The following AFG2A variants were observed in gnomAD, a reference collection of about 807,000 sequenced individuals.
AFG2A encodes the protein AAA ATPase AFG2A.
At chr4:122,929,319 A>G in the AFG2A span, 1 of 1,098,546 alleles carries the variant, frequency 9.1e-7, no homozygotes, top group Non-Finnish European at 1.2e-6. Context: ...AAGTAGAGAG[A>G]AACAGGTACA....
chr4:122,946,240 G>T, the AFG2A span, among the ~76,000 whole-genome samples: 1 of 152,202 alleles, frequency 6.6e-6, no homozygotes. Flanking sequence ...TAATTACAAG[G>T]GTTCTTGGTA....
the AFG2A span, among the ~76,000 whole-genome samples, chr4:122,943,040 G>C: frequency 6.6e-6 from 1 of 152,100 alleles, no homozygotes; most frequent in South Asian, 2.1e-4. Context: ...TTGCTGAGGA[G>C]AGCTTTACTT....
chr4:123,155,233 C>T, the AFG2A span, among the ~76,000 whole-genome samples: 1 of 152,016 alleles, frequency 6.6e-6, no homozygotes, highest in African/African-American at 2.4e-5. Context: ...TACAGGTGCA[C>T]ACCACCAGAC....
the AFG2A span, chr4:122,934,594 A>G: frequency 3.1e-6 from 5 of 1,614,030 alleles, no homozygotes; most frequent in Non-Finnish European, 4.2e-6. Flanking sequence ...AGTCAATTTT[A>G]CAGAGATTGA....
chr4:123,251,770 C>A, the AFG2A span, among the ~76,000 whole-genome samples: 1 of 151,822 alleles, frequency 6.6e-6, no homozygotes, highest in Non-Finnish European at 1.5e-5. Context: ...GTTTTGAATT[C>A]TTTGATAAAA....
chr4:123,257,142 AT>A, the AFG2A span, among the ~76,000 whole-genome samples: 1 of 152,240 alleles, frequency 6.6e-6, no homozygotes, highest in Non-Finnish European at 1.5e-5. Context: ...CCGAGAGTCT[AT>A]TTGGAACTGA....
the AFG2A span, chr4:123,028,505 TC>T: frequency 2.4e-6 from 2 of 834,286 alleles, no homozygotes; most frequent in Non-Finnish European, 3.8e-6. Flanking sequence ...GAGCAGTGAT[TC>T]TTTTTTTTTT....
the AFG2A span, among the ~76,000 whole-genome samples, chr4:123,024,238 AAAAGAAAC>A: frequency 6.6e-6 from 1 of 151,198 alleles, no homozygotes. Context: ...AAAAAAAAAA[AAAAGAAAC>A]AAAAGAAAAA....
the AFG2A span, among the ~76,000 whole-genome samples, chr4:123,187,020 G>A: frequency 1.3e-5 from 2 of 152,066 alleles, no homozygotes; most frequent in Non-Finnish European, 2.9e-5. Context: ...AGAGGAAAGA[G>A]GATGAGCCTA....
the AFG2A span, among the ~76,000 whole-genome samples, chr4:123,227,242 C>T: frequency 6.6e-6 from 1 of 151,792 alleles, no homozygotes; most frequent in East Asian, 1.9e-4. Context: ...TTATTTCTTG[C>T]CTTCTGCTAG....
chr4:123,215,770 G>C, the AFG2A span, among the ~76,000 whole-genome samples: 9 of 152,148 alleles, frequency 5.9e-5, no homozygotes, highest in Admixed American at 2.0e-4. Context: ...TTGCCTGAAT[G>C]AATCTCTTCA....
At chr4:123,255,745 A>G in the AFG2A span, among the ~76,000 whole-genome samples, 1 of 118,336 alleles carries the variant, frequency 8.5e-6, no homozygotes, top group African/African-American at 3.2e-5. Context: ...TTTTTTTGAG[A>G]CAGAGACCTC....
chr4:123,031,416 G>C, the AFG2A span, among the ~76,000 whole-genome samples: 1 of 152,288 alleles, frequency 6.6e-6, no homozygotes, highest in Non-Finnish European at 1.5e-5. Context: ...CCCTCCCAAA[G>C]TGCTAGGATT....
chr4:122,982,752 G>C, the AFG2A span, among the ~76,000 whole-genome samples: 1 of 151,478 alleles, frequency 6.6e-6, no homozygotes, highest in Non-Finnish European at 1.5e-5. Flanking sequence ...TTCTTGGTTG[G>C]CCAAATTGTT....
chr4:123,303,814 A>G, the AFG2A span, among the ~76,000 whole-genome samples: 1 of 151,396 alleles, frequency 6.6e-6, no homozygotes, highest in Non-Finnish European at 1.5e-5. Context: ...TAAGCAACCA[A>G]GTGTGTTCCC....
chr4:122,935,637 C>G, the AFG2A span: 8 of 1,444,284 alleles, frequency 5.5e-6, no homozygotes, highest in South Asian at 1.3e-4. Context: ...TTTTATAACT[C>G]ATGTTTGAAC....
At chr4:123,269,923 T>C in the AFG2A span, among the ~76,000 whole-genome samples, 1 of 112,692 alleles carries the variant, frequency 8.9e-6, no homozygotes, top group African/African-American at 2.5e-5. Context: ...TTCAAGCGAT[T>C]CTTCTGCCTC....
At chr4:123,121,674 A>G in the AFG2A span, among the ~76,000 whole-genome samples, 25 of 152,212 alleles carry the variant, frequency 1.6e-4, no homozygotes, top group Non-Finnish European at 1.6e-4. Flanking sequence ...GCCTGGGTAG[A>G]CTATACCATC....
the AFG2A span, among the ~76,000 whole-genome samples, chr4:123,312,389 C>T: frequency 2.0e-5 from 3 of 152,168 alleles, no homozygotes; most frequent in Non-Finnish European, 2.9e-5. Flanking sequence ...GCCTTGCAAC[C>T]ATTGCTTCAA....
Sources: allele counts gnomAD v4.1 joint callset (sites outside exome capture counted in the v4.1 genomes callset), GRCh38; gene constraint gnomAD v4.1.1; transcripts MANE v1.5; gene names NCBI Gene and HGNC (gene_info 2026-07-23, HGNC 2026-07-21).